EFCAB5: variants seen among roughly 807,000 people sequenced by gnomAD.
EFCAB5 encodes the protein EF-hand calcium binding domain 5, also known as EF-hand calcium-binding domain-containing protein 5.
A neutral mutation model predicts 167.9 loss-of-function variants in EFCAB5; 131 were observed. The observed-to-expected ratio is 0.78, with a 90% CI of 0.68 to 0.90. The LOEUF is 0.90. Ranked by LOEUF, EFCAB5 falls within the 40% of genes least tolerant of loss-of-function variation. The probability of loss-of-function intolerance (pLI) is 0.00; values close to 1 mark genes in which losing one functional copy is unlikely to be tolerated. For missense variants in EFCAB5, 1,663 were observed against 1,745.2 expected, an observed-to-expected ratio of 0.95 and a Z score of 0.84; for synonymous variants, 574 against 602.8, an observed-to-expected ratio of 0.95 and a Z score of 0.70.
chr17:29,995,532 C>T (rs1567702428), intron 5 of EFCAB5, among the ~76,000 whole-genome samples: 2 of 152,168 alleles, frequency 1.3e-5, no homozygotes, highest in Admixed American at 6.5e-5. Context: ...AGAAATGCTT[C>T]GGGATCTTCA....
At chr17:30,057,998 CTG>C in intron 13 of EFCAB5, 108 bp downstream of exon 13, 1 of 943,526 alleles carries the variant, frequency 1.1e-6, no homozygotes, top group Non-Finnish European at 1.6e-6. Flanking sequence ...TACAACCAAA[CTG>C]ATCACTTTCT....
Position 29,968,812 on chromosome 17 carries a change from G to A in EFCAB5, c.212G>A (p.Arg71Gln), listed in dbSNP as rs563654284. 1.9e-5 allele frequency: 28 copies of A among 1,493,952 alleles called. No individual in the cohort carries two copies. The highest frequency in any genetic ancestry group is 1.8e-4 in the Middle Eastern group (1 of 5,568). The allele number at this position is 1,493,952 out of a possible 1,614,324, so 92.5% of individuals were successfully genotyped here. The change falls in exon 4 of 23, where the codon CGA becomes CAA. Residue 71 changes from arginine (R) to glutamine (Q), a missense_variant. Coordinates refer to ENST00000394835, the MANE Select transcript of EFCAB5 (RefSeq NM_198529.4). ...KSQELNLEGQ[R>Q]KISPGSIKDS... ...TCAGAATTAAACCTGGAGGGGCAGCGAAAAATTTCACCTGGTTCAATAAAG... is the reference window on the plus strand; with the variant it reads ...TCAGAATTAAACCTGGAGGGGCAGCAAAAAATTTCACCTGGTTCAATAAAG...
intron 18 of EFCAB5, among the ~76,000 whole-genome samples, chr17:30,084,336 G>A (rs1173905089): frequency 6.6e-6 from 1 of 152,154 alleles, no homozygotes; most frequent in Non-Finnish European, 1.5e-5. Flanking sequence ...AAAGCACATG[G>A]GGCCCCAGGG....
intron 3 of EFCAB5, among the ~76,000 whole-genome samples, chr17:29,945,027 T>C (rs1241415716): frequency 6.6e-6 from 1 of 152,214 alleles, no homozygotes; most frequent in Non-Finnish European, 1.5e-5. Context: ...CACATAATTA[T>C]GCAGATTGAA....
intron 19 of EFCAB5, 83 bp from the exon 20 acceptor site, chr17:30,090,338 G>T: frequency 6.6e-7 from 1 of 1,519,246 alleles, no homozygotes; most frequent in East Asian, 2.3e-5. Context: ...GTAGGCACAA[G>T]AGAGTAATTC....
intron 1 of EFCAB5, among the ~76,000 whole-genome samples, chr17:29,931,645 A>T (rs1009372347): frequency 4.6e-5 from 7 of 152,220 alleles, no homozygotes; most frequent in Non-Finnish European, 1.5e-5. Flanking sequence ...AAACAGGAAA[A>T]GAGAAGGCAA....
At chr17:29,969,851 G>A (rs1343347220) in intron 4 of EFCAB5, among the ~76,000 whole-genome samples, 2 of 151,928 alleles carry the variant, frequency 1.3e-5, no homozygotes, top group Non-Finnish European at 2.9e-5. Context: ...CATACATAAG[G>A]AAATGCAAAC....
At chr17:30,062,536 C>T (rs1412778817) in intron 14 of EFCAB5, among the ~76,000 whole-genome samples, 1 of 152,232 alleles carries the variant, frequency 6.6e-6, no homozygotes, top group Non-Finnish European at 1.5e-5. Flanking sequence ...GACCACATAC[C>T]TGTGCTCTCC....
intron 14 of EFCAB5, chr17:30,069,383 G>A (rs2070667581): frequency 1.9e-6 from 3 of 1,556,574 alleles, no homozygotes; most frequent in African/African-American, 1.4e-5. Flanking sequence ...GTTTGATGAA[G>A]TGAGGCAGAT....
chr17:30,054,259 TCA>T, intron 10 of EFCAB5, 111 bp downstream of exon 10: 1 of 1,360,516 alleles, frequency 7.4e-7, no homozygotes, highest in East Asian at 2.5e-5. Flanking sequence ...GCATATCAGA[TCA>T]TGCAAACCTC....
At chr17:30,042,049 C>T (rs1471220921) in intron 8 of EFCAB5, among the ~76,000 whole-genome samples, 1 of 151,768 alleles carries the variant, frequency 6.6e-6, no homozygotes, top group Non-Finnish European at 1.5e-5. Context: ...CGCTCTGTCT[C>T]CCAGGCTGGA....
chr17:30,093,143 C>T (rs1311723511), intron 22 of EFCAB5, among the ~76,000 whole-genome samples: 1 of 152,212 alleles, frequency 6.6e-6, no homozygotes, highest in Non-Finnish European at 1.5e-5. Flanking sequence ...TTCAAAAGCA[C>T]ATCTATCTCC....
intron 8 of EFCAB5, among the ~76,000 whole-genome samples, chr17:30,041,873 G>A (rs2069783049): frequency 1.3e-5 from 2 of 152,148 alleles, no homozygotes; most frequent in South Asian, 4.1e-4. Context: ...AGGCACAGAT[G>A]ATCATTAGCA....
In EFCAB5 at chr17:29,972,742, C is replaced by T. The variant is rs373087934; in HGVS notation, c.767+3375C>T. The T allele has an allele frequency of 1.1e-4, 24 of 220,936 alleles. No individual in the cohort carries two copies. In the East Asian group the frequency reaches 1.4e-3, roughly 13 times the overall value. The allele number at this position is 220,936 out of a possible 1,614,324, so 13.7% of individuals were successfully genotyped here. On this transcript the variant is annotated intron_variant, in intron 4 of 22. Transcript: ENST00000394835. Reference sequence around the variant, plus strand: ...GATCCTGTGGCCGGCCAGAAAGCGTCCTTGCTGAACACTACCAGGACCTGC... The same window carrying T: ...GATCCTGTGGCCGGCCAGAAAGCGTTCTTGCTGAACACTACCAGGACCTGC...
intron 22 of EFCAB5, among the ~76,000 whole-genome samples, chr17:30,106,413 A>G (rs1471915988): frequency 1.3e-5 from 2 of 152,162 alleles, no homozygotes; most frequent in Non-Finnish European, 2.9e-5. Flanking sequence ...AATGAATAAA[A>G]TAGACTTGTG....
chr17:30,090,120 C>A (rs2071165508), intron 19 of EFCAB5, among the ~76,000 whole-genome samples: 1 of 152,166 alleles, frequency 6.6e-6, no homozygotes, highest in Non-Finnish European at 1.5e-5. Context: ...AAATGAACAC[C>A]TTCAGATAAG....
intron 6 of EFCAB5, among the ~76,000 whole-genome samples, chr17:29,997,952 C>A (rs2068582766): frequency 6.6e-6 from 1 of 151,526 alleles, no homozygotes. Context: ...AAAAAAAAAC[C>A]TCACTTGTCC....
chr17:30,103,201 T>G (rs979522423), intron 22 of EFCAB5, among the ~76,000 whole-genome samples: 1 of 148,656 alleles, frequency 6.7e-6, no homozygotes, highest in Admixed American at 6.7e-5. Flanking sequence ...TGTTTTAAAA[T>G]AAATAATTTA....
chr17:30,046,752 C>A (rs562159414), intron 8 of EFCAB5, among the ~76,000 whole-genome samples: 2 of 152,180 alleles, frequency 1.3e-5, no homozygotes, highest in Non-Finnish European at 2.9e-5. Flanking sequence ...ATTAGCTTTT[C>A]TTTCCTTAGA....
Sources: allele counts gnomAD v4.1 joint callset (sites outside exome capture counted in the v4.1 genomes callset), GRCh38; gene constraint gnomAD v4.1.1; transcripts MANE v1.5; gene names NCBI Gene and HGNC (gene_info 2026-07-23, HGNC 2026-07-21).